RYR3: variants seen among roughly 807,000 people sequenced by gnomAD.
The protein encoded by RYR3 is ryanodine receptor 3.
In RYR3, 207 loss-of-function variants were observed where a neutral mutation model predicts 584.3. The observed-to-expected ratio is 0.35, with a 90% CI of 0.32 to 0.40. The LOEUF (loss-of-function observed/expected upper bound fraction) is 0.40. Ranked by LOEUF, RYR3 falls within the 10% of genes least tolerant of loss-of-function variation. The pLI, the probability that RYR3 is intolerant of heterozygous loss-of-function variation, is 1.00. For synonymous variants in RYR3, 2,416 were observed against 2,248.5 expected, an observed-to-expected ratio of 1.07 and a Z score of -2.11; for missense variants, 5,616 against 6,089.2, an observed-to-expected ratio of 0.92 and a Z score of 2.59.
intron 28 of RYR3, among the ~76,000 whole-genome samples, chr15:33,645,315 T>C (rs1228788057): frequency 6.6e-6 from 1 of 152,178 alleles, no homozygotes; most frequent in Non-Finnish European, 1.5e-5. Context: ...CCATGGTGGA[T>C]AGGGGGAGAG....
chr15:33,658,562 CCATCCCCT>C (rs1432914666), intron 32 of RYR3, among the ~76,000 whole-genome samples: 7 of 152,232 alleles, frequency 4.6e-5, no homozygotes, highest in African/African-American at 1.7e-4. Flanking sequence ...AGCACACCTG[CCATCCCCT>C]CATTTATAGA....
chr15:33,706,368 C>G (rs2066717198), intron 42 of RYR3, among the ~76,000 whole-genome samples: 1 of 152,190 alleles, frequency 6.6e-6, no homozygotes, highest in Non-Finnish European at 1.5e-5. Flanking sequence ...TCTAGACCCA[C>G]TTAACAATAA....
intron 1 of RYR3, among the ~76,000 whole-genome samples, chr15:33,411,617 A>C (rs1472798843): frequency 6.6e-6 from 1 of 152,222 alleles, no homozygotes; most frequent in Admixed American, 6.5e-5. Flanking sequence ...CTAATTTGAC[A>C]AAGCTGCCAA....
At chr15:33,394,354 A>G (rs2042175574) in intron 1 of RYR3, among the ~76,000 whole-genome samples, 1 of 152,196 alleles carries the variant, frequency 6.6e-6, no homozygotes, top group Non-Finnish European at 1.5e-5. Flanking sequence ...CCAAAAAGAG[A>G]GATGGGAGAA....
intron 1 of RYR3, among the ~76,000 whole-genome samples, chr15:33,407,655 TTGGA>T (rs2043115467): frequency 6.6e-6 from 1 of 152,128 alleles, no homozygotes; most frequent in South Asian, 2.1e-4. Context: ...TTTTGTGTCA[TTGGA>T]TGGAGTTAAT....
chr15:33,607,231 C>G (rs2059952262), intron 18 of RYR3, among the ~76,000 whole-genome samples: 1 of 152,198 alleles, frequency 6.6e-6, no homozygotes, highest in African/African-American at 2.4e-5. Flanking sequence ...ATCGCTGTTT[C>G]CAGTTGCCTT....
In RYR3 at chr15:33,759,734, C is replaced by T. The variant is rs537983573; in HGVS notation, c.8705+2138C>T. 4.9e-4 allele frequency among the ~76,000 whole-genome samples: 74 copies of T among 152,274 alleles called. No individual in the cohort carries two copies. In the South Asian group the frequency reaches 0.012, roughly 24 times the overall value. Reference sequence around the variant, plus strand: ...GGAAAACACTCTTCAGGATATTATCCAGCAGAACTCCCCTAACCTAACAAG... The same window carrying T: ...GGAAAACACTCTTCAGGATATTATCTAGCAGAACTCCCCTAACCTAACAAG... On this transcript the variant is annotated intron_variant, in intron 60 of 103. Coordinates refer to ENST00000634891, the MANE Select transcript of RYR3 (RefSeq NM_001036.6).
At chr15:33,657,562 C>T (rs1279295477) in intron 32 of RYR3, among the ~76,000 whole-genome samples, 1 of 152,218 alleles carries the variant, frequency 6.6e-6, no homozygotes, top group Non-Finnish European at 1.5e-5. Context: ...AAAGTCAGAA[C>T]AACATCAAAT....
chr15:33,669,862 G>T (rs560304657), intron 37 of RYR3, among the ~76,000 whole-genome samples: 3 of 43,602 alleles, frequency 6.9e-5, no homozygotes, highest in Non-Finnish European at 1.1e-4. Context: ...GGGGGGGTGT[G>T]GGTGTGTGGG....
intron 15 of RYR3, among the ~76,000 whole-genome samples, chr15:33,585,073 C>T (rs957033314): frequency 7.9e-5 from 12 of 151,974 alleles, no homozygotes; most frequent in African/African-American, 2.4e-4. Context: ...TTGCTTCCTC[C>T]GAGATGAGTA....
chr15:33,508,245 A>G (rs1224456480), intron 3 of RYR3, among the ~76,000 whole-genome samples: 1 of 152,200 alleles, frequency 6.6e-6, no homozygotes, highest in African/African-American at 2.4e-5. Context: ...TATAAAACTA[A>G]TTGTATAGTT....
intron 1 of RYR3, among the ~76,000 whole-genome samples, chr15:33,376,616 A>G (rs1310889498): frequency 1.3e-5 from 2 of 152,202 alleles, no homozygotes; most frequent in African/African-American, 2.4e-5. Context: ...TTGCGACTAT[A>G]ACAGCCAACA....
chr15:33,356,555 A>G (rs1974000143), intron 1 of RYR3, among the ~76,000 whole-genome samples: 1 of 152,208 alleles, frequency 6.6e-6, no homozygotes, highest in African/African-American at 2.4e-5. Flanking sequence ...AACATATCAA[A>G]ATAAACAAAA....
intron 67 of RYR3, among the ~76,000 whole-genome samples, chr15:33,789,626 A>T (rs866199625): frequency 5.5e-3 from 35 of 6,308 alleles, no homozygotes; most frequent in African/African-American, 9.3e-3. Flanking sequence ...GTTTTATTTT[A>T]TATATATATA....
Position 33,663,620 on chromosome 15 carries a change from C to T in RYR3, c.5502C>T (p.Val1834=). 4 of 1,613,500 alleles carry T rather than the reference C, an allele frequency of 2.5e-6. No individual in the cohort carries two copies. The highest frequency in any genetic ancestry group is 1.1e-5 in the South Asian group (1 of 90,854). The change falls in exon 36 of 104, where the codon GTC becomes GTT. Residue 1834 remains valine (V), a synonymous_variant. Transcript: ENST00000634891. ...TTGTGGCATTTGGTGACATTTATGT[C>T]TCCAAGCTGCAGGCAAATCAGAAGT... ...EAIVAFGDIY[V]SKLQANQKFR...
intron 1 of RYR3, among the ~76,000 whole-genome samples, chr15:33,466,305 A>C (rs1014052710): frequency 6.6e-6 from 1 of 152,252 alleles, no homozygotes; most frequent in Non-Finnish European, 1.5e-5. Context: ...GCTAGTGAAC[A>C]GAAAAAACAA....
At chr15:33,519,807 G>A (rs2053832038) in intron 3 of RYR3, among the ~76,000 whole-genome samples, 1 of 152,042 alleles carries the variant, frequency 6.6e-6, no homozygotes, top group South Asian at 2.1e-4. Context: ...CATCCGTTCT[G>A]TCTATCCCCA....
intron 1 of RYR3, among the ~76,000 whole-genome samples, chr15:33,400,566 A>C (rs2596191): frequency 0.59 from 89,018 of 152,024 alleles, 26,928 homozygotes; most frequent in African/African-American, 0.7. Context: ...CTGATTTGAA[A>C]TTTCTTCGTG....
intron 35 of RYR3, 38 bp from the exon 36 acceptor site, chr15:33,663,499 G>A (rs1261322824): frequency 1.9e-6 from 3 of 1,582,218 alleles, no homozygotes; most frequent in African/African-American, 2.7e-5. Context: ...CCTCACCAAA[G>A]TACACAAAGT....
Sources: gnomAD v4.1 joint callset for allele counts (sites outside exome capture counted in the v4.1 genomes callset) on GRCh38, gnomAD v4.1.1 for gene constraint, MANE v1.5 for transcripts, NCBI Gene and HGNC (gene_info 2026-07-23, HGNC 2026-07-21) for gene names.